The following TKT variants were observed in gnomAD, a reference collection of about 807,000 sequenced individuals.
The protein encoded by TKT is transketolase.
In TKT, 47 loss-of-function variants were observed where a neutral mutation model predicts 63.9. That is an observed-to-expected ratio of 0.74 (90% CI 0.58 to 0.94). The LOEUF is 0.94. Ranked by LOEUF, TKT falls within the 40% of genes least tolerant of loss-of-function variation. The pLI, the probability that TKT is intolerant of heterozygous loss-of-function variation, is 0.00. For missense variants in TKT, 721 were observed against 846.2 expected (o/e 0.85, Z 1.84); for synonymous variants, 338 against 334.1 (o/e 1.01, Z -0.13).
intron 13 of TKT, chr3:53,226,549 C>T (rs1269800926): frequency 6.4e-6 from 4 of 621,378 alleles, no homozygotes; most frequent in African/African-American, 5.6e-5. Context: ...AGGAGCTCCA[C>T]AGAGCTCATC....
chr3:53,255,781 G>T, intron 1 of TKT, 55 bp downstream of exon 1: 1 of 1,222,564 alleles, frequency 8.2e-7, no homozygotes, highest in Non-Finnish European at 1.1e-6. Context: ...TCTGGCCGCC[G>T]CAGACGCCCC....
At chr3:53,229,484 G>C in intron 8 of TKT, 48 bp from the exon 9 acceptor site, 1 of 1,563,204 alleles carries the variant, frequency 6.4e-7, no homozygotes, top group Non-Finnish European at 8.7e-7. Flanking sequence ...GGCAGAGGGT[G>C]GTCGGGGAGC....
At position 53,230,446 on chromosome 3, in the gene TKT, C is replaced by T. The variant is rs1575560938; in HGVS notation, c.1107+11G>A. The T allele has an allele frequency of 2.5e-6, 4 of 1,614,090 alleles. No individual in the cohort carries two copies. Among genetic ancestry groups the T allele is most frequent in the Non-Finnish European group, 3.4e-6 (4 of 1,180,022 alleles). On this transcript the variant is annotated intron_variant, in intron 8 of 13. Transcript: ENST00000462138. ...TTGGGTGGACCTGTCCCTGCCGGCC[C>T]CAGCACCTACCATGTTCTGCTCAGC...
chr3:53,232,772 C>T, intron 6 of TKT: 1 of 408,666 alleles, frequency 2.4e-6, no homozygotes, highest in Non-Finnish European at 4.3e-6. Flanking sequence ...CGGGCCCTGC[C>T]TGGCTCTGTG....
chr3:53,250,777 TTTTTG>T (rs1465617702), intron 1 of TKT, among the ~76,000 whole-genome samples: 1 of 151,886 alleles, frequency 6.6e-6, no homozygotes, highest in Non-Finnish European at 1.5e-5. Flanking sequence ...TAGGAAGGTT[TTTTTG>T]TTTTGTTTTG....
chr3:53,247,921 CA>C lies in TKT; in HGVS notation c.108-5680del, dbSNP rs1705587572. Among the ~76,000 whole-genome samples, 2 of 152,136 alleles carry C rather than the reference CA, an allele frequency of 1.3e-5. 1 individual carries two copies. The highest frequency in any genetic ancestry group is 4.8e-5 in the African/African-American group (2 of 41,416). ...TGGTTATTGCCTGTCTACCCTACTGCAATACAAGCTCCTTGAGGACAGAGCT... is the reference window on the plus strand; with the variant it reads ...TGGTTATTGCCTGTCTACCCTACTGCATACAAGCTCCTTGAGGACAGAGCT... On this transcript the variant is annotated intron_variant, in intron 1 of 13. Transcript: ENST00000462138.
At chr3:53,246,979 T>C (rs1479505894) in intron 1 of TKT, among the ~76,000 whole-genome samples, 1 of 152,128 alleles carries the variant, frequency 6.6e-6, no homozygotes, top group Non-Finnish European at 1.5e-5. Flanking sequence ...TGTAATGTAC[T>C]AGTTCTTAAT....
intron 12 of TKT, chr3:53,227,840 G>T (rs1704565183): frequency 3.8e-6 from 2 of 525,752 alleles, no homozygotes; most frequent in Non-Finnish European, 6.8e-6. Context: ...ATAGGGTAGG[G>T]ACTGTGGGCA....
chr3:53,232,571 C>T (rs915072102), intron 6 of TKT: 3 of 398,676 alleles, frequency 7.5e-6, no homozygotes, highest in East Asian at 7.1e-5. Flanking sequence ...ATGGGTGAGG[C>T]CATCCCAGGC....
At position 53,255,998 on chromosome 3, in the gene TKT, C is replaced by T. The variant is rs541253758; in HGVS notation, c.-56G>A. 8.4e-5 allele frequency: 107 copies of T among 1,280,408 alleles called. No individual in the cohort carries two copies. In the African/African-American group the frequency reaches 1.3e-3, roughly 15 times the overall value. 79.3% of individuals were successfully genotyped at this position (1,280,408 alleles called of 1,614,324 possible). A position where few individuals can be genotyped will look rare whatever the true frequency, so the allele number is the denominator to read the frequency against. ...CGGACACACAGAGATAGCGGCTGCT[C>T]CCGCGGCGACAGGCGGCTGCCGAGG... On this transcript the variant is annotated 5_prime_UTR_variant, in exon 1 of 14. Transcript: ENST00000462138.
In TKT at chr3:53,230,484, G is replaced by A. The variant is rs908872216; in HGVS notation, c.1080C>T (p.Ile360=). 46 of 1,614,106 alleles carry A rather than the reference G, an allele frequency of 2.8e-5. No homozygotes were observed. Among genetic ancestry groups the A allele is most frequent in the Middle Eastern group, 1.6e-4 (1 of 6,084 alleles). The change falls in exon 8 of 14, where the codon ATC becomes ATT. Residue 360 remains isoleucine, a synonymous_variant. Coordinates refer to ENST00000462138, the MANE Select transcript of TKT (RefSeq NM_001064.4). The part of the protein sequence containing the change: ...IFKKEHPDRF[I]ECYIAEQNMV... Reference sequence around the variant, plus strand: ...TGTTCTGCTCAGCAATGTAGCACTCGATGAAGCGGTCCGGGTGCTCCTTTT... The same window carrying A: ...TGTTCTGCTCAGCAATGTAGCACTCAATGAAGCGGTCCGGGTGCTCCTTTT...
intron 13 of TKT, 141 bp from the exon 14 acceptor site, chr3:53,226,072 A>G (rs1354956565): frequency 7.0e-6 from 5 of 710,456 alleles, no homozygotes; most frequent in Admixed American, 3.4e-5. Context: ...AGCCCATCAC[A>G]TAACTCATTG....
At position 53,235,147 on chromosome 3, in the gene TKT, G is replaced by A. The variant is rs1051483; in HGVS notation, c.465C>T (p.Asp155=). 300,701 of 1,612,146 alleles carry A rather than the reference G, an allele frequency of 0.19. 29,036 individuals are homozygous for A. The highest frequency in any genetic ancestry group is 0.2 in the South Asian group (17,870 of 90,916). ...ATACAGAGCCCTCTGACAGCTCCCC[G>A]TCTCCCAGCAAGCAATAGACTCGGT... ...ASYRVYCLLG[D]GELSEGSVWE... The change falls in exon 5 of 14, where the codon GAC becomes GAT. Residue 155 remains aspartate, a synonymous_variant. Transcript: ENST00000462138.
intron 6 of TKT, chr3:53,231,849 A>C (rs1357705129): frequency 1.9e-5 from 8 of 421,244 alleles, no homozygotes; most frequent in Non-Finnish European, 3.4e-5. Context: ...CCACTGCCCC[A>C]TCCCTTCACC....
intron 1 of TKT, among the ~76,000 whole-genome samples, chr3:53,252,126 G>A (rs1333553243): frequency 6.6e-6 from 1 of 152,244 alleles, no homozygotes; most frequent in Non-Finnish European, 1.5e-5. Context: ...GGCAACAAGA[G>A]TGAAACTCCA....
Position 53,241,210 on chromosome 3 carries a change from A to G in TKT, c.261T>C (p.Ala87=). The G allele has an allele frequency of 2.5e-6, 4 of 1,599,982 alleles. No individual in the cohort carries two copies. The highest frequency in any genetic ancestry group is 3.4e-6 in the Non-Finnish European group (4 of 1,174,698). Residue 87 remains alanine (A), a synonymous_variant, in exon 3 of 14, where the codon GCT becomes GCC. Coordinates refer to ENST00000462138, the MANE Select transcript of TKT (RefSeq NM_001064.4). ...HAAPILYAVW[A]EAGFLAEAEL... ...CCGCCTCGGCCAGGAAACCAGCTTC[A>G]GCCCAGACCGCGTAGAGGATGGGAG...
chr3:53,236,311 GA>G (rs1705029972), intron 4 of TKT, among the ~76,000 whole-genome samples: 1 of 152,212 alleles, frequency 6.6e-6, no homozygotes, highest in African/African-American at 2.4e-5. Flanking sequence ...GGGGCAGCAG[GA>G]AGAGGCTGGG....
intron 8 of TKT, among the ~76,000 whole-genome samples, chr3:53,229,678 G>A (rs573441000): frequency 1.3e-5 from 2 of 152,272 alleles, no homozygotes; most frequent in Non-Finnish European, 2.9e-5. Context: ...TCATCCAGAA[G>A]CAGCACTGAG....
intron 5 of TKT, chr3:53,234,714 C>T (rs1343713055): frequency 5.7e-6 from 2 of 348,530 alleles, no homozygotes; most frequent in Non-Finnish European, 5.2e-6. Flanking sequence ...AGCGAGCTGA[C>T]GTGAGATGGT....
Sources: allele counts gnomAD v4.1 joint callset (sites outside exome capture counted in the v4.1 genomes callset), GRCh38; gene constraint gnomAD v4.1.1; transcripts MANE v1.5; gene names NCBI Gene and HGNC (gene_info 2026-07-23, HGNC 2026-07-21).